RTKN2: variants seen among roughly 807,000 people sequenced by gnomAD.
RTKN2 encodes rhotekin 2, also known as rhotekin-2.
Under a neutral mutation model 71.5 loss-of-function variants are expected in RTKN2, and 69 were observed. That is an observed-to-expected ratio of 0.96 (90% CI 0.79 to 1.18). The LOEUF is 1.18. Ranked by LOEUF, RTKN2 falls within the 50% of genes most tolerant of loss-of-function variation. The pLI, the probability that RTKN2 is intolerant of heterozygous loss-of-function variation, is 0.00. For missense variants in RTKN2, 724 were observed against 719.7 expected, an observed-to-expected ratio of 1.01 and a Z score of -0.07; for synonymous variants, 236 against 236.5, an observed-to-expected ratio of 1.00 and a Z score of 0.02.
In RTKN2 at chr10:62,204,927, A is replaced by G. The variant is rs113677405; in HGVS notation, c.1116T>C (p.Ile372=). Residue 372 remains isoleucine, a synonymous_variant, in exon 10 of 12, where the codon ATT becomes ATC. Transcript: ENST00000373789. Reference sequence around the variant, plus strand: ...GATCTTCTCTATTGTCAACTGCAAAAATCTGAGTTATAGCTTGTCCAGGAA... The same window carrying G: ...GATCTTCTCTATTGTCAACTGCAAAGATCTGAGTTATAGCTTGTCCAGGAA... ...NPVPGQAITQ[I]FAVDNREDLQ... is the part of the protein sequence containing the mutation. 8.1e-6 allele frequency: 13 copies of G among 1,604,564 alleles called. No individual in the cohort carries two copies. The African/African-American group carries it at 1.2e-4, about 15-fold the overall frequency.
intron 11 of RTKN2, among the ~76,000 whole-genome samples, chr10:62,199,503 C>A (rs992204593): frequency 3.3e-5 from 5 of 152,078 alleles, no homozygotes; most frequent in Admixed American, 6.6e-5. Context: ...TTCAGTGCAC[C>A]TTTACTCATT....
chr10:62,250,633 T>C (rs1842562655), intron 2 of RTKN2, among the ~76,000 whole-genome samples: 1 of 152,180 alleles, frequency 6.6e-6, no homozygotes, highest in South Asian at 2.1e-4. Context: ...AGTTTTATTA[T>C]TTTTATTTAT....
At chr10:62,228,311 A>T (rs1842073158) in intron 6 of RTKN2, among the ~76,000 whole-genome samples, 1 of 152,204 alleles carries the variant, frequency 6.6e-6, no homozygotes, top group Admixed American at 6.5e-5. Flanking sequence ...GGTATTCTAG[A>T]CGCCATATAA....
chr10:62,246,245 T>C (rs971099155), intron 2 of RTKN2, among the ~76,000 whole-genome samples, 188 bp from the exon 3 acceptor site: 2 of 152,110 alleles, frequency 1.3e-5, no homozygotes, highest in South Asian at 2.1e-4. Context: ...AAAAGAAATA[T>C]CTGGAGCCAC....
intron 10 of RTKN2, 86 bp downstream of exon 10, chr10:62,204,771 C>T: frequency 3.7e-6 from 4 of 1,075,488 alleles, no homozygotes; most frequent in South Asian, 3.8e-5. Flanking sequence ...TTGCTACAAA[C>T]TCTAAGATTA....
At position 62,194,559 on chromosome 10, in the gene RTKN2, C is replaced by A; in HGVS notation, c.*3349G>T. 1 of 985,352 alleles carries A rather than the reference C, an allele frequency of 1.0e-6. No homozygotes were observed. The highest frequency in any genetic ancestry group is 4.7e-5 in the South Asian group (1 of 21,288). The allele number at this position is 985,352 out of a possible 1,614,324, so 61.0% of individuals were successfully genotyped here. A position where few individuals can be genotyped will look rare whatever the true frequency, so the allele number is the denominator to read the frequency against. ...TATTTTTCTTGCAGAGCAGTTCTTG[C>A]TCATGGTGCAATGCAGTACTCTGTC... On this transcript the variant is annotated 3_prime_UTR_variant, in exon 12 of 12. Transcript: ENST00000373789.
intron 2 of RTKN2, among the ~76,000 whole-genome samples, chr10:62,246,574 A>T (rs1182143065): frequency 6.6e-6 from 1 of 152,042 alleles, no homozygotes; most frequent in Non-Finnish European, 1.5e-5. Flanking sequence ...TAATTTCCCC[A>T]AGATTCCAAA....
chr10:62,268,837 G>T lies in RTKN2; in HGVS notation c.-227C>A. ...TTGCCGAGACCCCAGGCTCTAGCGCGGCGGGGCGGGGGAGAGGGCGGCGGT... is the reference window on the plus strand; with the variant it reads ...TTGCCGAGACCCCAGGCTCTAGCGCTGCGGGGCGGGGGAGAGGGCGGCGGT... On this transcript the variant is annotated 5_prime_UTR_variant, in exon 1 of 12. Transcript: ENST00000373789. 1 of 512,222 alleles carries T rather than the reference G, an allele frequency of 2.0e-6. No individual in the cohort carries two copies. Among genetic ancestry groups the T allele is most frequent in the Non-Finnish European group, 3.4e-6 (1 of 294,558 alleles). The allele number at this position is 512,222 out of a possible 1,614,324, so 31.7% of individuals were successfully genotyped here.
At chr10:62,239,538 CTTAAACAT>C (rs1842327446) in intron 5 of RTKN2, 102 bp downstream of exon 5, 1 of 534,612 alleles carries the variant, frequency 1.9e-6, no homozygotes, top group Non-Finnish European at 3.3e-6. Context: ...TTAAAGATCA[CTTAAACAT>C]TTAAACATAA....
At chr10:62,260,112 T>C (rs919459692) in intron 2 of RTKN2, among the ~76,000 whole-genome samples, 2 of 152,204 alleles carry the variant, frequency 1.3e-5, no homozygotes, top group Non-Finnish European at 2.9e-5. Context: ...CTGGCAGCAA[T>C]ATAAAACTGA....
intron 2 of RTKN2, among the ~76,000 whole-genome samples, chr10:62,253,340 T>C (rs12354733): frequency 0.1 from 15,945 of 152,186 alleles, 886 homozygotes; most frequent in Non-Finnish European, 0.12. Context: ...CAGAGCATCT[T>C]CCTAAAGCAC....
intron 9 of RTKN2, among the ~76,000 whole-genome samples, chr10:62,213,892 A>G (rs1437536341): frequency 1.3e-5 from 2 of 152,072 alleles, no homozygotes; most frequent in African/African-American, 2.4e-5. Context: ...AAATAATTAT[A>G]TAACAGTCAT....
At chr10:62,252,057 G>C (rs936530760) in intron 2 of RTKN2, among the ~76,000 whole-genome samples, 1 of 151,758 alleles carries the variant, frequency 6.6e-6, no homozygotes, top group Admixed American at 6.6e-5. Context: ...AAAACAATGA[G>C]ATAGAAATAA....
Position 62,197,059 on chromosome 10 carries a change from C to G in RTKN2, c.*849G>C. On this transcript the variant is annotated 3_prime_UTR_variant, in exon 12 of 12. Transcript: ENST00000373789. ...TCTGAAAATTATTTACCATGGCCAACTTTTCTGATATTTTTGAATCTCTCA... is the reference window on the plus strand; with the variant it reads ...TCTGAAAATTATTTACCATGGCCAAGTTTTCTGATATTTTTGAATCTCTCA... The G allele has an allele frequency of 1.0e-6, 1 of 978,294 alleles. No homozygotes were observed. The highest frequency in any genetic ancestry group is 1.2e-6 in the Non-Finnish European group (1 of 823,598). 60.6% of individuals were successfully genotyped at this position (978,294 alleles called of 1,614,324 possible).
At chr10:62,252,883 A>G (rs1022487453) in intron 2 of RTKN2, among the ~76,000 whole-genome samples, 3 of 152,018 alleles carry the variant, frequency 2.0e-5, no homozygotes, top group Admixed American at 6.6e-5. Context: ...ATATAAAATT[A>G]TAGTAACTAC....
At chr10:62,227,810 G>C (rs978203340) in intron 6 of RTKN2, among the ~76,000 whole-genome samples, 2 of 152,186 alleles carry the variant, frequency 1.3e-5, no homozygotes, top group African/African-American at 4.8e-5. Flanking sequence ...ATAGAACGGT[G>C]GTGGTGGGGT....
Position 62,262,631 on chromosome 10 carries a change from C to A in RTKN2, c.251G>T (p.Gly84Val), listed in dbSNP as rs1229651601. ...GGTAAACTATGTTACTAACCATCTT[C>A]CAGTCTGATTTGCAATCTGTTCTTC... ...KLEEQIANQT[G>V]RCDVKFESKE... The change falls in exon 2 of 12, where the codon GGA becomes GTA. Residue 84 changes from glycine to valine, a missense_variant. Gly to Val is a moderately radical substitution (Grantham distance 109). Transcript: ENST00000373789. The A allele has an allele frequency of 6.3e-7, 1 of 1,598,356 alleles. No individual in the cohort carries two copies. Among genetic ancestry groups the A allele is most frequent in the Admixed American group, 1.7e-5 (1 of 58,780 alleles).
rs548927240 is a variant in RTKN2 at position 62,185,574 on chromosome 10, G to A, written c.862-1187C>T. Reference sequence around the variant, plus strand: ...GAGGTTGCAGTAGTGAATGGAGATCGTGCCACTGCACTCCAGCCTGGCAAC... The same window carrying A: ...GAGGTTGCAGTAGTGAATGGAGATCATGCCACTGCACTCCAGCCTGGCAAC... On this transcript the variant is annotated intron_variant, in intron 8 of 8. Coordinates refer to the RTKN2 transcript ENST00000315289. Among the ~76,000 whole-genome samples, 20 of 152,188 alleles carry A rather than the reference G, an allele frequency of 1.3e-4. No homozygotes were observed. The South Asian group carries it at 3.5e-3, about 27-fold the overall frequency.
Position 62,250,375 on chromosome 10 carries a change from C to T in RTKN2, c.258-4318G>A, listed in dbSNP as rs367864182. On this transcript the variant is annotated intron_variant, in intron 2 of 11. Coordinates refer to ENST00000373789, the MANE Select transcript of RTKN2 (RefSeq NM_145307.4). Reference sequence around the variant, plus strand: ...AAGAAAGTAGACGAAGTTTAATATTCCAAGAAACACTAGTTTCAAACATTA... The same window carrying T: ...AAGAAAGTAGACGAAGTTTAATATTTCAAGAAACACTAGTTTCAAACATTA... 3.3e-5 allele frequency among the ~76,000 whole-genome samples: 5 copies of T among 152,258 alleles called. No individual in the cohort carries two copies. In the South Asian group the frequency reaches 6.2e-4, roughly 19 times the overall value.
Sources: allele counts gnomAD v4.1 joint callset (sites outside exome capture counted in the v4.1 genomes callset), GRCh38; gene constraint gnomAD v4.1.1; transcripts MANE v1.5; gene names NCBI Gene and HGNC (gene_info 2026-07-23, HGNC 2026-07-21).